MTMR4: variants seen among roughly 807,000 people sequenced by gnomAD.
The protein encoded by MTMR4 is myotubularin related protein 4.
In MTMR4, 30 loss-of-function variants were observed where a neutral mutation model predicts 125.5. That is an observed-to-expected ratio of 0.24 (90% CI 0.18 to 0.32). MTMR4 has a LOEUF of 0.32. MTMR4 is among the 10% of genes least tolerant of loss of function. The pLI, the probability that MTMR4 is intolerant of heterozygous loss-of-function variation, is 1.00. For synonymous variants in MTMR4, 498 were observed against 564.5 expected, an observed-to-expected ratio of 0.88 and a Z score of 1.67; for missense variants, 1,039 against 1,511.5, an observed-to-expected ratio of 0.69 and a Z score of 5.18.
Position 58,491,770 on chromosome 17 carries a change from C to A in MTMR4, c.3523G>T (p.Asp1175Tyr). The A allele has an allele frequency of 6.2e-7, 1 of 1,614,076 alleles. No individual in the cohort carries two copies. The highest frequency in any genetic ancestry group is 8.5e-7 in the Non-Finnish European group (1 of 1,179,986). ...CATGAGTTACAGACGAGAACTGGGT[C>A]ATAGAGTTGCTGATCAGGAATGGGC... is the stretch of plus-strand genomic sequence containing the variant. ...KLPIPDQQLYDPVLVCNSCYE... is the reference protein window; with the variant it reads ...KLPIPDQQLYYPVLVCNSCYE... Residue 1175 changes from aspartate (D) to tyrosine (Y), a missense_variant, in exon 18 of 18, where the codon GAC becomes TAC. By Grantham distance (160) the Asp-to-Tyr change is radical (BLOSUM62 -3). Coordinates refer to ENST00000682306, the MANE Select transcript of MTMR4 (RefSeq NM_001378067.1).
chr17:58,505,678 C>T lies in MTMR4; in HGVS notation c.1034-95G>A, dbSNP rs1298553559. The stretch of plus-strand genomic sequence containing the variant: ...ATCCCAGCACTTTGGGAGGCTGAAG[C>T]GGTTGGATCACCTGAGGTCAGGAGT... On this transcript the variant is annotated intron_variant, in intron 9 of 17. Coordinates refer to ENST00000682306, the MANE Select transcript of MTMR4 (RefSeq NM_001378067.1). The T allele has an allele frequency of 4.8e-5, 35 of 725,954 alleles. No individual in the cohort carries two copies. The Admixed American group carries it at 5.4e-4, about 11-fold the overall frequency. 45.0% of individuals were successfully genotyped at this position (725,954 alleles called of 1,614,324 possible).
At chr17:58,509,969 C>T (rs910332480) in intron 4 of MTMR4, among the ~76,000 whole-genome samples, 5 of 152,176 alleles carry the variant, frequency 3.3e-5, no homozygotes, top group Non-Finnish European at 7.3e-5. Context: ...CTTCAAAATA[C>T]ACCCAGAATC....
At position 58,514,568 on chromosome 17, in the gene MTMR4, C is replaced by T. The variant is rs1976033195; in HGVS notation, c.-161G>A. 11 of 985,206 alleles carry T rather than the reference C, an allele frequency of 1.1e-5. No homozygotes were observed. In the African/African-American group the frequency reaches 1.4e-4, roughly 13 times the overall value. 61.0% of individuals were successfully genotyped at this position (985,206 alleles called of 1,614,324 possible). A position where few individuals can be genotyped will look rare whatever the true frequency, so the allele number is the denominator to read the frequency against. On this transcript the variant is annotated 5_prime_UTR_variant, in exon 1 of 18. Coordinates refer to ENST00000682306, the MANE Select transcript of MTMR4 (RefSeq NM_001378067.1). The stretch of plus-strand genomic sequence containing the variant: ...GCCGGGCCTCCGCGCGGCTCCCGCG[C>T]GCCTCTCCCCTCCTCTCCACAATGG...
At position 58,508,636 on chromosome 17, in the gene MTMR4, T is replaced by C; in HGVS notation, c.496+45A>G. 6.2e-7 allele frequency: 1 copy of C among 1,613,820 alleles called. No individual in the cohort carries two copies. On this transcript the variant is annotated intron_variant, in intron 5 of 17. Transcript: ENST00000682306. This position sits in a 1 kb window ranked among gnomAD's most constrained non-coding sequence, Gnocchi z 4.8. Reference sequence around the variant, plus strand: ...GCAGGAGTGGAGGAGGGATGAGAACTAAGGGGTAAGAAGCAGCCTCCCAAA... The same window carrying C: ...GCAGGAGTGGAGGAGGGATGAGAACCAAGGGGTAAGAAGCAGCCTCCCAAA...
intron 4 of MTMR4, chr17:58,511,081 T>A (rs918552849): frequency 6.1e-6 from 1 of 162,728 alleles, no homozygotes; most frequent in African/African-American, 2.4e-5. Flanking sequence ...CAGGCTGGCA[T>A]TGAGTAGGGT....
In MTMR4 at chr17:58,503,816, C is replaced by A; in HGVS notation, c.1781G>T (p.Gly594Val). ...AAGGTAAAGATCCATGTTTTCTTCC[C>A]CAAGTGTGCATGGAGATGATGCTGG... The part of the protein sequence containing the change: ...YLPASSPCTL[G>V]EENMDLYLSP... The change falls in exon 14 of 18, where the codon GGG becomes GTG. Residue 594 changes from glycine to valine, a missense_variant. Physicochemically the swap from Gly to Val is moderately radical, Grantham distance 109. This residue lies in a region of MTMR4 where 619 missense variants were observed against 714.5 expected (regional missense o/e 0.87). Transcript: ENST00000682306. 1 of 1,614,110 alleles carries A rather than the reference C, an allele frequency of 6.2e-7. No individual in the cohort carries two copies. The highest frequency in any genetic ancestry group is 8.5e-7 in the Non-Finnish European group (1 of 1,180,020).
At chr17:58,507,918 TACAC>T (rs57157273) in intron 7 of MTMR4, 114,920 of 339,780 alleles carry the variant, frequency 0.34, 13,853 homozygotes, top group East Asian at 0.4. Flanking sequence ...TACTATTTTA[TACAC>T]ACACACACAC....
Position 58,495,336 on chromosome 17 carries a change from T to G in MTMR4, c.2848A>C (p.Arg950=). The change falls in exon 15 of 18, where the codon AGG becomes CGG. Residue 950 remains arginine, a synonymous_variant. Coordinates refer to ENST00000682306, the MANE Select transcript of MTMR4 (RefSeq NM_001378067.1). ...GCCCGCATCTGCTTACTGTTTGGCCTCTTGCTACAACAGCCATAGGAAAGC... is the reference window on the plus strand; with the variant it reads ...GCCCGCATCTGCTTACTGTTTGGCCGCTTGCTACAACAGCCATAGGAAAGC... The part of the protein sequence containing the change: ...RLLSYGCCSK[R]PNSKQMRATG... 1 of 1,614,224 alleles carries G rather than the reference T, an allele frequency of 6.2e-7. No homozygotes were observed. Among genetic ancestry groups the G allele is most frequent in the East Asian group, 2.2e-5 (1 of 44,880 alleles).
chr17:58,497,926 T>C (rs1005212996), intron 14 of MTMR4, among the ~76,000 whole-genome samples: 2 of 152,150 alleles, frequency 1.3e-5, no homozygotes, highest in African/African-American at 4.8e-5. Context: ...CTTTCAAGCA[T>C]ACAAAAGAAG....
At position 58,504,686 on chromosome 17, in the gene MTMR4, C is replaced by G. The variant is rs1052913180; in HGVS notation, c.1341+93G>C. ...AGAAAAAAAGAGCCACCAATGTCCT[C>G]TACTGAAAGATCCCCAGGACAGATC... is the stretch of plus-strand genomic sequence containing the variant. On this transcript the variant is annotated intron_variant, in intron 11 of 17. Transcript: ENST00000682306. The surrounding 1 kb of genome is among the most constrained non-coding windows in gnomAD (Gnocchi z 7.1). The G allele has an allele frequency of 2.7e-5, 39 of 1,428,526 alleles. No individual in the cohort carries two copies. Among genetic ancestry groups the G allele is most frequent in the Non-Finnish European group, 3.4e-5 (36 of 1,054,134 alleles). 88.5% of individuals were successfully genotyped at this position (1,428,526 alleles called of 1,614,324 possible).
At chr17:58,494,095 A>G (rs1313613542) in intron 15 of MTMR4, among the ~76,000 whole-genome samples, 1 of 151,960 alleles carries the variant, frequency 6.6e-6, no homozygotes, top group Non-Finnish European at 1.5e-5. Flanking sequence ...TGGGCGGATC[A>G]TGAGGTCAGG....
Position 58,496,147 on chromosome 17 carries a change from C to A in MTMR4, c.2037G>T (p.Gly679=). The A allele has an allele frequency of 6.2e-7, 1 of 1,614,172 alleles. No homozygotes were observed. The highest frequency in any genetic ancestry group is 1.1e-5 in the South Asian group (1 of 91,080). The change falls in exon 15 of 18, where the codon GGG becomes GGT. Residue 679 remains glycine, a synonymous_variant. Transcript: ENST00000682306. ...CCACTTCTCCTACAGTTTGCTGAGGCCCTCCTACCCCAGAGTCCACAAAGC... is the reference window on the plus strand; with the variant it reads ...CCACTTCTCCTACAGTTTGCTGAGGACCTCCTACCCCAGAGTCCACAAAGC... ...ETSFVDSGVG[G]PQQTVGEVGL...
At chr17:58,511,229 G>A (rs879414993) in intron 4 of MTMR4, 200 bp downstream of exon 4, 4 of 514,620 alleles carry the variant, frequency 7.8e-6, no homozygotes, top group Non-Finnish European at 1.4e-5. Context: ...CATGAACTAG[G>A]CATTACCCCC....
In MTMR4 at chr17:58,495,251, C is replaced by T. The variant is rs868043289; in HGVS notation, c.2933G>A (p.Cys978Tyr). 11 of 1,614,072 alleles carry T rather than the reference C, an allele frequency of 6.8e-6. No homozygotes were observed. Among genetic ancestry groups the T allele is most frequent in the African/African-American group, 6.7e-5 (5 of 74,940 alleles). Residue 978 changes from cysteine to tyrosine, a missense_variant, in exon 15 of 18, where the codon TGT becomes TAT. Transcript: ENST00000682306. ...AQREGVKSPVCSSHSNGHCTG... is the reference protein window; with the variant it reads ...AQREGVKSPVYSSHSNGHCTG... The stretch of plus-strand genomic sequence containing the variant: ...ACAATGTCCATTGGAATGACTAGAA[C>T]AGACAGGTGACTTCACACCTTCTCT...
In MTMR4 at chr17:58,495,776, G is replaced by A. The variant is rs754415544; in HGVS notation, c.2408C>T (p.Thr803Met). Residue 803 changes from threonine to methionine, a missense_variant, in exon 15 of 18, where the codon ACG (threonine) becomes ATG (methionine). By Grantham distance (81) the Thr-to-Met change is moderately conservative. Coordinates refer to ENST00000682306, the MANE Select transcript of MTMR4 (RefSeq NM_001378067.1). ...GGAGTCTGGCTGGGCCTGTTGGGGCGTACCTGTAGGAGAGTTCTGGGAAGA... is the reference window on the plus strand; with the variant it reads ...GGAGTCTGGCTGGGCCTGTTGGGGCATACCTGTAGGAGAGTTCTGGGAAGA... ...PESSQNSPTG[T>M]PQQAQPDSML... 1.1e-5 allele frequency: 18 copies of A among 1,613,984 alleles called. No individual in the cohort carries two copies. The highest frequency in any genetic ancestry group is 5.0e-5 in the Admixed American group (3 of 60,004).
rs983439718 is a variant in MTMR4, at chr17:58,514,570, C to T, written c.-163G>A. 3.0e-6 allele frequency: 3 copies of T among 985,128 alleles called. No homozygotes were observed. Among genetic ancestry groups the T allele is most frequent in the Non-Finnish European group, 3.6e-6 (3 of 829,890 alleles). 61.0% of individuals were successfully genotyped at this position (985,128 alleles called of 1,614,324 possible). On this transcript the variant is annotated 5_prime_UTR_variant, in exon 1 of 18. Coordinates refer to ENST00000682306, the MANE Select transcript of MTMR4 (RefSeq NM_001378067.1). ...CGGGCCTCCGCGCGGCTCCCGCGCG[C>T]CTCTCCCCTCCTCTCCACAATGGAG...
intron 14 of MTMR4, among the ~76,000 whole-genome samples, chr17:58,503,088 T>A (rs1488391795): frequency 6.6e-6 from 1 of 152,126 alleles, no homozygotes; most frequent in Non-Finnish European, 1.5e-5. Flanking sequence ...ACAACAAAGG[T>A]TGCTACTAAT....
chr17:58,505,506 G>T lies in MTMR4; in HGVS notation c.1111C>A (p.Arg371=), dbSNP rs1257226770. 2.5e-6 allele frequency: 4 copies of T among 1,613,000 alleles called. No homozygotes were observed. The African/African-American group carries it at 5.3e-5, about 22-fold the overall frequency. The change falls in exon 10 of 18, where the codon CGG becomes AGG. Residue 371 remains arginine, a synonymous_variant. Coordinates refer to ENST00000682306, the MANE Select transcript of MTMR4 (RefSeq NM_001378067.1). ...TCCGGCATCTGGCTACACACAGCCC[G>T]GAGGTACTGAAAGCTGTTCCGGATG... ...HAIRNSFQYL[R]AVCSQMPDPS... is the part of the protein sequence containing the mutation.
In MTMR4 at chr17:58,504,255, C is replaced by T. The variant is rs1412800194; in HGVS notation, c.1528-35G>A. 1.1e-5 allele frequency: 18 copies of T among 1,603,332 alleles called. No homozygotes were observed. The highest frequency in any genetic ancestry group is 1.7e-4 in the Middle Eastern group (1 of 6,020). ...AGAGAGAGCTTGCACCTGGGGGCCT[C>T]GGGCTGTCATTCCCCCCATCCCTGT... On this transcript the variant is annotated intron_variant, in intron 12 of 17. Coordinates refer to ENST00000682306, the MANE Select transcript of MTMR4 (RefSeq NM_001378067.1). This position sits in a 1 kb window ranked among gnomAD's most constrained non-coding sequence, Gnocchi z 7.1.
Sources: allele counts gnomAD v4.1 joint callset (sites outside exome capture counted in the v4.1 genomes callset), GRCh38; gene constraint gnomAD v4.1.1; regional missense constraint gnomAD v4.1.1; non-coding constraint Gnocchi (gnomAD v3.1); transcripts MANE v1.5; gene names NCBI Gene and HGNC (gene_info 2026-07-23, HGNC 2026-07-21).